The following SI variants were observed in gnomAD, a reference collection of about 807,000 sequenced individuals.
SI encodes sucrase-isomaltase, intestinal.
A neutral mutation model predicts 253.3 loss-of-function variants in SI; 235 were observed. The ratio of observed to expected loss-of-function variants is 0.93; its 90% CI spans 0.83 to 1.03. The LOEUF (loss-of-function observed/expected upper bound fraction) is 1.03. Among genes scored for constraint, SI ranks in the 50% least tolerant of loss-of-function variants. SI has a pLI of 0.00. For synonymous variants in SI, 819 were observed against 712.0 expected, an observed-to-expected ratio of 1.15 and a Z score of -2.39; for missense variants, 2,442 against 2,211.1, an observed-to-expected ratio of 1.10 and a Z score of -2.09.
chr3:165,077,930 G>T (rs1046436994), intron 1 of SI, among the ~76,000 whole-genome samples: 4 of 151,294 alleles, frequency 2.6e-5, no homozygotes, highest in Non-Finnish European at 5.9e-5. Flanking sequence ...ACTCTTCTTG[G>T]AAAATATATA....
At chr3:165,090,010 T>C in the SI span, among the ~76,000 whole-genome samples, 1 of 152,052 alleles carries the variant, frequency 6.6e-6, no homozygotes. Flanking sequence ...AATGAAATCT[T>C]GGGAATTGCA....
At chr3:165,040,870 T>C in intron 18 of SI, 70 bp downstream of exon 18, 1 of 1,282,374 alleles carries the variant, frequency 7.8e-7, no homozygotes, top group South Asian at 1.2e-5. Context: ...TTTACCTCCA[T>C]TAAACTTTTC....
intron 37 of SI, among the ~76,000 whole-genome samples, chr3:164,999,299 C>T (rs1277669113): frequency 1.3e-5 from 2 of 151,476 alleles, no homozygotes; most frequent in African/African-American, 4.8e-5. Flanking sequence ...AATTTAATGA[C>T]ATGCATGTTA....
At chr3:164,991,624 T>C in intron 43 of SI, 147 bp from the exon 44 acceptor site, 1 of 835,016 alleles carries the variant, frequency 1.2e-6, no homozygotes, top group Non-Finnish European at 1.9e-6. Context: ...CTTAATTTGT[T>C]TCACTATAGT....
At chr3:164,996,805 T>A (rs1175573028) in intron 38 of SI, 33 bp from the exon 39 acceptor site, 2 of 897,806 alleles carry the variant, frequency 2.2e-6, no homozygotes, top group Admixed American at 4.9e-5. Context: ...CTTAGAAAGT[T>A]ATTATTTCAT....
At position 164,989,269 on chromosome 3, in the gene SI, C is replaced by T. The variant is rs1319113677; in HGVS notation, c.5109-2043G>A. On this transcript the variant is annotated intron_variant, in intron 44 of 47. Coordinates refer to ENST00000264382, the MANE Select transcript of SI (RefSeq NM_001041.4). The stretch of plus-strand genomic sequence containing the variant: ...CTGTGGCAGGGGAATCGCTGGAACC[C>T]AGGAGGTGGAGGTTGCAGTGAGCCA... Among the ~76,000 whole-genome samples, 3 of 150,378 alleles carry T rather than the reference C, an allele frequency of 2.0e-5. No individual in the cohort carries two copies. In the South Asian group the frequency reaches 6.3e-4, roughly 32 times the overall value.
At chr3:165,074,755 A>C in intron 2 of SI, 88 bp from the exon 3 acceptor site, 2 of 1,095,080 alleles carry the variant, frequency 1.8e-6, no homozygotes, top group Non-Finnish European at 2.7e-6. Flanking sequence ...TTTTGAAAGA[A>C]TACATGAATT....
Position 165,069,168 on chromosome 3 carries a change from A to G in SI, c.283T>C (p.Trp95Arg). The change falls in exon 4 of 48, where the codon TGG becomes CGG. Residue 95 changes from tryptophan to arginine, a missense_variant. Trp to Arg is a moderately radical substitution (Grantham distance 101). Coordinates refer to ENST00000264382, the MANE Select transcript of SI (RefSeq NM_001041.4). ...EGICAQRGCCWRPWNDSLIPW... is the reference protein window; with the variant it reads ...EGICAQRGCCRRPWNDSLIPW... Reference sequence around the variant, plus strand: ...ATAAGAGAGTCATTCCACGGCCTCCAGCAGCAGCCTCTCTGTGCACAAATT... The same window carrying G: ...ATAAGAGAGTCATTCCACGGCCTCCGGCAGCAGCCTCTCTGTGCACAAATT... The G allele has an allele frequency of 6.2e-7, 1 of 1,612,870 alleles. No individual in the cohort carries two copies. Among genetic ancestry groups the G allele is most frequent in the Non-Finnish European group, 8.5e-7 (1 of 1,179,164 alleles).
chr3:165,007,043 G>T (rs1428456863), intron 36 of SI, 89 bp from the exon 37 acceptor site: 6 of 943,648 alleles, frequency 6.4e-6, no homozygotes, highest in African/African-American at 3.3e-5. Context: ...CCTTGACAAA[G>T]AAATTAATCA....
rs564172987 is a variant in SI, at chr3:164,986,534, T to A, written c.5197+604A>T. 2.0e-5 allele frequency among the ~76,000 whole-genome samples: 3 copies of A among 152,316 alleles called. No individual in the cohort carries two copies. In the East Asian group the frequency reaches 5.8e-4, roughly 29 times the overall value. On this transcript the variant is annotated intron_variant, in intron 45 of 47. Transcript: ENST00000264382. ...ATTAGCTTATACACTTTTTGTCCAA[T>A]CACATTTCTACATGGCAGTTCCTGT...
intron 12 of SI, among the ~76,000 whole-genome samples, chr3:165,055,756 G>A (rs902907867): frequency 2.6e-5 from 4 of 151,978 alleles, no homozygotes; most frequent in African/African-American, 7.2e-5. Flanking sequence ...GATACATACT[G>A]GGCACTATTT....
chr3:165,055,459 C>T, intron 12 of SI, 152 bp from the exon 13 acceptor site: 2 of 553,684 alleles, frequency 3.6e-6, no homozygotes, highest in Non-Finnish European at 6.3e-6. Flanking sequence ...ACAAGAATAT[C>T]ATGACTTTAA....
intron 25 of SI, among the ~76,000 whole-genome samples, chr3:165,027,873 C>G (rs1712011452): frequency 6.6e-6 from 1 of 151,426 alleles, no homozygotes; most frequent in Non-Finnish European, 1.5e-5. Flanking sequence ...TCTCTGAGAA[C>G]TGGAACAAGA....
intron 21 of SI, 138 bp from the exon 22 acceptor site, chr3:165,036,615 T>C: frequency 3.4e-6 from 2 of 587,154 alleles, no homozygotes; most frequent in South Asian, 4.2e-5. Flanking sequence ...TAAATTTGTA[T>C]TTATATGTAT....
chr3:165,019,561 G>A (rs369094576), intron 28 of SI, 41 bp downstream of exon 28: 1 of 1,584,454 alleles, frequency 6.3e-7, no homozygotes, highest in Admixed American at 1.7e-5. Flanking sequence ...TCTACTCATG[G>A]TCTTAGTTGC....
intron 33 of SI, among the ~76,000 whole-genome samples, chr3:165,014,665 T>C (rs1480998161): frequency 2.0e-5 from 3 of 152,162 alleles, no homozygotes; most frequent in Non-Finnish European, 4.4e-5. Context: ...TGTAATATAT[T>C]AATATATCAG....
Position 165,059,322 on chromosome 3 carries a change from T to C in SI, c.1147-23A>G, listed in dbSNP as rs532548854. On this transcript the variant is annotated intron_variant, in intron 10 of 47. Transcript: ENST00000264382. ...ATCCTGAAAGTTAGAAGATTGTATT[T>C]CAATACATAGTACTGAAAGAGCTCT... 104 of 1,608,094 alleles carry C rather than the reference T, an allele frequency of 6.5e-5. 1 individual carries two copies. In the South Asian group the frequency reaches 1.1e-3, roughly 17 times the overall value.
chr3:164,988,935 A>T (rs571888641), intron 44 of SI, among the ~76,000 whole-genome samples: 3 of 152,190 alleles, frequency 2.0e-5, no homozygotes, highest in African/African-American at 7.2e-5. Context: ...AAAAATGGTG[A>T]TAGACAGAAA....
chr3:164,981,842 A>G (rs1576863718), intron 47 of SI, among the ~76,000 whole-genome samples: 1 of 152,112 alleles, frequency 6.6e-6, no homozygotes, highest in East Asian at 1.9e-4. Context: ...TATGTATCAC[A>G]CTCCTGTATT....
Sources: allele counts gnomAD v4.1 joint callset (sites outside exome capture counted in the v4.1 genomes callset), GRCh38; gene constraint gnomAD v4.1.1; transcripts MANE v1.5; gene names NCBI Gene and HGNC (gene_info 2026-07-23, HGNC 2026-07-21).